TXNDC16: variants seen among roughly 807,000 people sequenced by gnomAD.
The protein encoded by TXNDC16 is thioredoxin domain containing 16.
Under a neutral mutation model 85.6 loss-of-function variants are expected in TXNDC16, and 74 were observed. The observed-to-expected ratio is 0.86, with a 90% CI of 0.72 to 1.05. TXNDC16 has a LOEUF of 1.05. TXNDC16 is among the 50% of genes least tolerant of loss of function. The probability of loss-of-function intolerance (pLI) is 0.00; values close to 1 mark genes in which losing one functional copy is unlikely to be tolerated. For synonymous variants in TXNDC16, 335 were observed against 326.5 expected, an observed-to-expected ratio of 1.03 and a Z score of -0.28; for missense variants, 959 against 947.0, an observed-to-expected ratio of 1.01 and a Z score of -0.17.
intron 9 of TXNDC16, among the ~76,000 whole-genome samples, chr14:52,494,201 C>T (rs1219114982): frequency 1.3e-5 from 2 of 151,956 alleles, no homozygotes; most frequent in African/African-American, 4.8e-5. Context: ...CTTAATACAG[C>T]CCCCAAGATT....
chr14:52,449,436 C>T (rs902877930), intron 18 of TXNDC16, among the ~76,000 whole-genome samples: 13 of 152,006 alleles, frequency 8.6e-5, no homozygotes, highest in African/African-American at 3.1e-4. Context: ...CACTGGAGCA[C>T]CCAGGTATAT....
At chr14:52,544,778 A>T (rs2037907339) in intron 1 of TXNDC16, among the ~76,000 whole-genome samples, 2 of 152,206 alleles carry the variant, frequency 1.3e-5, no homozygotes, top group Admixed American at 1.3e-4. Context: ...TATATCAAAC[A>T]GTGAAAAAAT....
Position 52,519,266 on chromosome 14 carries a change from A to G in TXNDC16, c.420T>C (p.Tyr140=), listed in dbSNP as rs368083185. The part of the protein sequence containing the change: ...LFALLFSEVK[Y]ITNLEDLQNI... Reference sequence around the variant, plus strand: ...TCTGAAGGTCTTCCAGGTTGGTAATATATTTCACTTCACTAAAAAGAAGAG... The same window carrying G: ...TCTGAAGGTCTTCCAGGTTGGTAATGTATTTCACTTCACTAAAAAGAAGAG... The change falls in exon 7 of 21, where the codon TAT becomes TAC. Residue 140 remains tyrosine, a synonymous_variant. Transcript: ENST00000281741. 1.9e-6 allele frequency: 3 copies of G among 1,600,894 alleles called. No individual in the cohort carries two copies. Among genetic ancestry groups the G allele is most frequent in the East Asian group, 4.5e-5 (2 of 44,666 alleles).
At chr14:52,530,972 A>G (rs1324147721) in intron 6 of TXNDC16, among the ~76,000 whole-genome samples, 1 of 152,002 alleles carries the variant, frequency 6.6e-6, no homozygotes, top group East Asian at 1.9e-4. Flanking sequence ...GTTACCCAAA[A>G]TATACAAAAC....
At chr14:52,454,470 T>TCA (rs2035483183) in intron 18 of TXNDC16, among the ~76,000 whole-genome samples, 1 of 151,064 alleles carries the variant, frequency 6.6e-6, no homozygotes, top group African/African-American at 2.4e-5. Context: ...ATAAATATAT[T>TCA]CATCTACTAT....
chr14:52,542,286 G>C (rs2037847276), intron 4 of TXNDC16, 85 bp downstream of exon 4: 1 of 823,554 alleles, frequency 1.2e-6, no homozygotes, highest in Admixed American at 2.7e-5. Flanking sequence ...ATATGAAATG[G>C]AAGTATTTTA....
chr14:52,536,666 A>G (rs2037707411), intron 6 of TXNDC16, 53 bp downstream of exon 6: 3 of 1,401,864 alleles, frequency 2.1e-6, no homozygotes, highest in Middle Eastern at 3.7e-4. Flanking sequence ...TTTAAAATGA[A>G]ATCAACAGAT....
At chr14:52,539,485 A>G (rs2140225887) in intron 4 of TXNDC16, among the ~76,000 whole-genome samples, 1 of 152,340 alleles carries the variant, frequency 6.6e-6, no homozygotes, top group South Asian at 2.1e-4. Flanking sequence ...CACAACACTC[A>G]AAAGTTTCTA....
At chr14:52,442,976 C>T (rs7147086) in intron 18 of TXNDC16, among the ~76,000 whole-genome samples, 44 of 152,100 alleles carry the variant, frequency 2.9e-4, no homozygotes, top group African/African-American at 1.0e-3. Context: ...CTTATTGGTT[C>T]GAAATTAAAC....
chr14:52,438,535 T>C (rs1356002793), intron 20 of TXNDC16, among the ~76,000 whole-genome samples: 2 of 152,230 alleles, frequency 1.3e-5, no homozygotes, highest in Non-Finnish European at 2.9e-5. Flanking sequence ...AAAACATTTT[T>C]TAGACATAAT....
At chr14:52,459,840 GA>G (rs1312987032) in intron 16 of TXNDC16, among the ~76,000 whole-genome samples, 1 of 152,148 alleles carries the variant, frequency 6.6e-6, no homozygotes, top group Middle Eastern at 3.2e-3. Flanking sequence ...AGTAGATGTA[GA>G]AAAGGCCTTC....
chr14:52,467,106 A>G (rs1168195727), intron 16 of TXNDC16, among the ~76,000 whole-genome samples: 1 of 151,928 alleles, frequency 6.6e-6, no homozygotes, highest in Non-Finnish European at 1.5e-5. Flanking sequence ...ATAGAAAACA[A>G]TTAAACAGAC....
At chr14:52,492,579 C>T (rs1272562264) in intron 9 of TXNDC16, among the ~76,000 whole-genome samples, 1 of 152,170 alleles carries the variant, frequency 6.6e-6, no homozygotes, top group Non-Finnish European at 1.5e-5. Context: ...CTCCACGCTC[C>T]TCTTTTGCCG....
intron 16 of TXNDC16, among the ~76,000 whole-genome samples, chr14:52,461,324 T>C (rs1289121898): frequency 6.6e-6 from 1 of 152,038 alleles, no homozygotes; most frequent in Non-Finnish European, 1.5e-5. Flanking sequence ...AATTTTTAGA[T>C]ATTTTAATTT....
Position 52,440,674 on chromosome 14 carries a change from T to C in TXNDC16, c.1893A>G (p.Pro631=), listed in dbSNP as rs773562142. 6.2e-6 allele frequency: 10 copies of C among 1,610,040 alleles called. No homozygotes were observed. The highest frequency in any genetic ancestry group is 1.7e-5 in the Admixed American group (1 of 58,956). ...TGCCATCACTGAACAAAATCAATAATGGTTTCTGAAGTCTGAAATAACTGG... is the reference window on the plus strand; with the variant it reads ...TGCCATCACTGAACAAAATCAATAACGGTTTCTGAAGTCTGAAATAACTGG... ...NLPSYFRLQK[P]LLILFSDGTV... The change falls in exon 19 of 21, where the codon CCA becomes CCG. Residue 631 remains proline, a synonymous_variant. Coordinates refer to ENST00000281741, the MANE Select transcript of TXNDC16 (RefSeq NM_020784.3).
intron 6 of TXNDC16, among the ~76,000 whole-genome samples, chr14:52,524,678 G>C (rs2037285959): frequency 6.6e-6 from 1 of 152,008 alleles, no homozygotes; most frequent in African/African-American, 2.4e-5. Context: ...ACGTTTTGTA[G>C]AGACTGGGGT....
chr14:52,526,977 C>T (rs931891264), intron 6 of TXNDC16, among the ~76,000 whole-genome samples: 4 of 152,200 alleles, frequency 2.6e-5, no homozygotes, highest in Middle Eastern at 3.2e-3. Context: ...GGCATGCCAG[C>T]GGAGGGCAGC....
At chr14:52,494,379 G>C (rs571963957) in intron 9 of TXNDC16, among the ~76,000 whole-genome samples, 1 of 152,266 alleles carries the variant, frequency 6.6e-6, no homozygotes, top group East Asian at 1.9e-4. Flanking sequence ...TGTTGTGAGA[G>C]GGCCATGTGG....
chr14:52,537,709 C>G (rs757448307), intron 4 of TXNDC16, 37 bp from the exon 5 acceptor site: 2 of 1,230,926 alleles, frequency 1.6e-6, no homozygotes, highest in African/African-American at 3.0e-5. Context: ...GCATATATAT[C>G]AAAAGGTCAA....
Sources: gnomAD v4.1 joint callset for allele counts (sites outside exome capture counted in the v4.1 genomes callset) on GRCh38, gnomAD v4.1.1 for gene constraint, MANE v1.5 for transcripts, NCBI Gene and HGNC (gene_info 2026-07-23, HGNC 2026-07-21) for gene names.